FRMD6: variants seen among roughly 807,000 people sequenced by gnomAD.
FRMD6 encodes FERM domain-containing protein 6.
In FRMD6, 37 loss-of-function variants were observed where a neutral mutation model predicts 73.2. The ratio of observed to expected loss-of-function variants is 0.51; its 90% confidence interval spans 0.39 to 0.66. The LOEUF (loss-of-function observed/expected upper bound fraction) is 0.66. Among genes scored for constraint, FRMD6 ranks in the 30% least tolerant of loss-of-function variants. The pLI is 0.00. For synonymous variants in FRMD6, 273 were observed against 282.2 expected (o/e 0.97, Z 0.33); for missense variants, 714 against 780.5 (o/e 0.91, Z 1.02).
At chr14:51,469,947 C>T in the FRMD6 span, among the ~76,000 whole-genome samples, 2 of 148,614 alleles carry the variant, frequency 1.3e-5, no homozygotes, top group African/African-American at 4.9e-5. Flanking sequence ...AGACAGACTC[C>T]GTCTCAAAAA....
chr14:51,563,395 C>T (rs1290129363), intron 1 of FRMD6, among the ~76,000 whole-genome samples: 7 of 152,144 alleles, frequency 4.6e-5, no homozygotes, highest in South Asian at 2.1e-4. Context: ...TGTGGCCGGG[C>T]GTGGTGGCTC....
In FRMD6 at chr14:51,704,871, G is replaced by A; in HGVS notation, c.494G>A (p.Gly165Glu). 1 of 1,613,380 alleles carries A rather than the reference G, an allele frequency of 6.2e-7. No homozygotes were observed. The highest frequency in any genetic ancestry group is 8.5e-7 in the Non-Finnish European group (1 of 1,179,582). The change falls in exon 6 of 14, where the codon GGG (glycine) becomes GAG (glutamate). Residue 165 changes from glycine (G) to glutamate (E), a missense_variant. By Grantham distance (98) the Gly-to-Glu change is moderately conservative (BLOSUM62 -2). Transcript: ENST00000344768. ...LAAFALQADL[G>E]NFKRNKHYGK... ...GCCTTTGCCCTGCAGGCTGATCTTGGGAACTTCAAAAGGAATAAGCACTAT... is the reference window on the plus strand; with the variant it reads ...GCCTTTGCCCTGCAGGCTGATCTTGAGAACTTCAAAAGGAATAAGCACTAT...
the FRMD6 span, among the ~76,000 whole-genome samples, chr14:51,443,787 G>T: frequency 2.6e-5 from 4 of 152,072 alleles, no homozygotes; most frequent in African/African-American, 4.8e-5. Context: ...CCAGGACATT[G>T]TTTCCTGAGC....
intron 2 of FRMD6, among the ~76,000 whole-genome samples, chr14:51,644,901 G>A (rs1249069712): frequency 1.3e-5 from 2 of 152,198 alleles, no homozygotes; most frequent in African/African-American, 4.8e-5. Context: ...GCTAAATCTA[G>A]TTAAGAGTGC....
At chr14:51,478,620 T>C in the FRMD6 span, among the ~76,000 whole-genome samples, 1 of 152,144 alleles carries the variant, frequency 6.6e-6, no homozygotes, top group African/African-American at 2.4e-5. Context: ...CCTCAAAGAA[T>C]GGGTGTGGGA....
chr14:51,457,557 G>A, the FRMD6 span, among the ~76,000 whole-genome samples: 2 of 152,148 alleles, frequency 1.3e-5, no homozygotes, highest in African/African-American at 2.4e-5. Flanking sequence ...TCCTGCAGAT[G>A]ATCCTCCTGA....
At chr14:51,697,507 G>A (rs1896028306) in intron 2 of FRMD6, among the ~76,000 whole-genome samples, 4 of 151,970 alleles carry the variant, frequency 2.6e-5, no homozygotes, top group Admixed American at 2.6e-4. Flanking sequence ...AGGGGGACTG[G>A]GGAGATATTA....
intron 2 of FRMD6, chr14:51,692,703 AT>A (rs1211280259): frequency 6.6e-6 from 1 of 152,194 alleles, no homozygotes; most frequent in African/African-American, 2.4e-5. Context: ...TGAAACTTGA[AT>A]ATATATCAGA....
At chr14:51,506,372 T>C (rs1566782749) in intron 1 of FRMD6, among the ~76,000 whole-genome samples, 1 of 152,172 alleles carries the variant, frequency 6.6e-6, no homozygotes, top group Non-Finnish European at 1.5e-5. Flanking sequence ...CAGGAAGTGC[T>C]CAATTAATGT....
At chr14:51,401,672 TG>T in the FRMD6 span, among the ~76,000 whole-genome samples, 1 of 152,140 alleles carries the variant, frequency 6.6e-6, no homozygotes. Context: ...GTATTCAACT[TG>T]CTAATGTCAA....
chr14:51,472,921 TAGG>T, the FRMD6 span, among the ~76,000 whole-genome samples: 1 of 152,228 alleles, frequency 6.6e-6, no homozygotes, highest in Admixed American at 6.5e-5. Context: ...TATCCTTCCT[TAGG>T]AGAATATTTG....
intron 2 of FRMD6, among the ~76,000 whole-genome samples, chr14:51,629,906 A>C (rs1566513088): frequency 6.6e-6 from 1 of 152,190 alleles, no homozygotes; most frequent in Non-Finnish European, 1.5e-5. Context: ...AATTCTGATT[A>C]TTCTTCTCCC....
At chr14:51,421,847 A>G in the FRMD6 span, among the ~76,000 whole-genome samples, 2 of 152,192 alleles carry the variant, frequency 1.3e-5, no homozygotes, top group African/African-American at 4.8e-5. Context: ...AGCATGAGGA[A>G]GGCAGCCCAG....
upstream of FRMD6, among the ~76,000 whole-genome samples, chr14:51,649,271 T>C (rs1468650207): frequency 1.3e-5 from 2 of 152,220 alleles, no homozygotes; most frequent in Non-Finnish European, 2.9e-5. Flanking sequence ...TTTAATGTGG[T>C]ATTTATACTG....
intron 1 of FRMD6, among the ~76,000 whole-genome samples, chr14:51,549,083 A>G (rs1471271604): frequency 6.6e-6 from 1 of 152,184 alleles, no homozygotes; most frequent in East Asian, 1.9e-4. Context: ...AAGCAGGTGC[A>G]ATGCTGTTCC....
intron 1 of FRMD6, among the ~76,000 whole-genome samples, chr14:51,528,363 A>G (rs779867560): frequency 6.6e-6 from 1 of 152,132 alleles, no homozygotes; most frequent in African/African-American, 2.4e-5. Context: ...GAATAGGCAG[A>G]TTTTCCACCT....
upstream of FRMD6, among the ~76,000 whole-genome samples, chr14:51,487,783 GC>G (rs1882805827): frequency 6.6e-6 from 1 of 152,160 alleles, no homozygotes; most frequent in Non-Finnish European, 1.5e-5. Flanking sequence ...CAAGAGTGAA[GC>G]AAAAGGAAAC....
intron 2 of FRMD6, among the ~76,000 whole-genome samples, chr14:51,691,498 G>C (rs1895562296): frequency 6.6e-6 from 1 of 150,728 alleles, no homozygotes; most frequent in South Asian, 2.1e-4. Flanking sequence ...ATTGTATTCT[G>C]ATGGAATTAG....
intron 2 of FRMD6, among the ~76,000 whole-genome samples, chr14:51,603,151 A>G (rs1890105148): frequency 6.6e-6 from 1 of 152,174 alleles, no homozygotes; most frequent in Non-Finnish European, 1.5e-5. Flanking sequence ...CCATCTACCA[A>G]CCAGAACTCC....
Sources: allele counts gnomAD v4.1 joint callset (sites outside exome capture counted in the v4.1 genomes callset), GRCh38; gene constraint gnomAD v4.1.1; transcripts MANE v1.5; gene names NCBI Gene and HGNC (gene_info 2026-07-23, HGNC 2026-07-21).